Variants in CACNA2D3 observed in about 807,000 individuals in gnomAD.
CACNA2D3 encodes the protein calcium voltage-gated channel auxiliary subunit alpha2delta 3, also known as voltage-dependent calcium channel subunit alpha-2/delta-3.
A neutral mutation model predicts 160.6 loss-of-function variants in CACNA2D3; 60 were observed. That is an observed-to-expected ratio of 0.37 (90% confidence interval 0.30 to 0.46). CACNA2D3 has a LOEUF of 0.46. CACNA2D3 is among the 20% of genes least tolerant of loss of function. The pLI is 1.00. For synonymous variants in CACNA2D3, 558 were observed against 492.9 expected (o/e 1.13, Z -1.75); for missense variants, 1,205 against 1,365.0 (o/e 0.88, Z 1.85).
At chr3:54,261,996 C>T (rs368968627) in intron 2 of CACNA2D3, among the ~76,000 whole-genome samples, 3 of 152,244 alleles carry the variant, frequency 2.0e-5, no homozygotes, top group East Asian at 3.9e-4. Flanking sequence ...ACATGTGTCT[C>T]CTGGGGGCTG....
chr3:54,371,357 C>T (rs1698923100), intron 3 of CACNA2D3, among the ~76,000 whole-genome samples: 1 of 152,160 alleles, frequency 6.6e-6, no homozygotes, highest in Non-Finnish European at 1.5e-5. Flanking sequence ...TGATATTTTA[C>T]ATAAGTGGGT....
chr3:54,166,440 C>A (rs1700459467), intron 2 of CACNA2D3, among the ~76,000 whole-genome samples: 2 of 152,178 alleles, frequency 1.3e-5, no homozygotes. Flanking sequence ...CTGTCCAGAG[C>A]CCCTTGTTAA....
At chr3:54,336,560 A>G (rs1056970688) in intron 3 of CACNA2D3, among the ~76,000 whole-genome samples, 1 of 152,186 alleles carries the variant, frequency 6.6e-6, no homozygotes, top group Non-Finnish European at 1.5e-5. Flanking sequence ...TAATAGTTAC[A>G]TGAAATTTAC....
At chr3:54,694,175 A>G (rs1559551508) in intron 11 of CACNA2D3, among the ~76,000 whole-genome samples, 1 of 152,140 alleles carries the variant, frequency 6.6e-6, no homozygotes, top group African/African-American at 2.4e-5. Context: ...ACTTTCCGAT[A>G]TCTTTTCTAT....
rs202220418 is a variant in CACNA2D3 at position 54,661,930 on chromosome 3, CT to C, written c.1167+19690del. Among the ~76,000 whole-genome samples the C allele has an allele frequency of 8.7e-3, 1,310 of 151,388 alleles. 19 individuals are homozygous for C. Among genetic ancestry groups the C allele is most frequent in the African/African-American group, 0.03 (1,252 of 41,150 alleles). On this transcript the variant is annotated intron_variant, in intron 11 of 37. Coordinates refer to ENST00000474759, the MANE Select transcript of CACNA2D3 (RefSeq NM_018398.3). ...CCACATCTTCAGTGAAATATCCCCC[CT>C]GGATCACCACTTCTTTTCCTGCTAC...
At chr3:54,324,011 A>G (rs1174364675) in intron 3 of CACNA2D3, among the ~76,000 whole-genome samples, 1 of 152,136 alleles carries the variant, frequency 6.6e-6, no homozygotes, top group East Asian at 1.9e-4. Context: ...TAACATTTCC[A>G]TTGGTGTATA....
intron 2 of CACNA2D3, among the ~76,000 whole-genome samples, chr3:54,198,207 C>T (rs1445414927): frequency 6.6e-6 from 1 of 152,196 alleles, no homozygotes; most frequent in Non-Finnish European, 1.5e-5. Flanking sequence ...CCTAAAAGAG[C>T]CCCCATCCTC....
chr3:54,816,085 C>T (rs964115368), intron 13 of CACNA2D3, among the ~76,000 whole-genome samples: 4 of 152,188 alleles, frequency 2.6e-5, no homozygotes, highest in Non-Finnish European at 5.9e-5. Context: ...AGTTCCTCGC[C>T]TGTGCCATTG....
At chr3:54,751,010 T>A (rs1701846454) in intron 11 of CACNA2D3, among the ~76,000 whole-genome samples, 1 of 152,116 alleles carries the variant, frequency 6.6e-6, no homozygotes, top group Admixed American at 6.5e-5. Context: ...GACCTCGTGA[T>A]CTGCCCACCT....
At chr3:54,716,796 G>T (rs1701059204) in intron 11 of CACNA2D3, among the ~76,000 whole-genome samples, 2 of 151,950 alleles carry the variant, frequency 1.3e-5, no homozygotes, top group African/African-American at 4.8e-5. Context: ...GTGAATTTGG[G>T]GTCCCAAGAG....
chr3:54,159,058 C>G (rs192482331), intron 2 of CACNA2D3, among the ~76,000 whole-genome samples: 134 of 152,290 alleles, frequency 8.8e-4, no homozygotes, highest in Middle Eastern at 3.4e-3. Flanking sequence ...CTTTGCCTCC[C>G]CTCCAGTTTA....
At chr3:54,704,555 G>A (rs1700822407) in intron 11 of CACNA2D3, among the ~76,000 whole-genome samples, 1 of 151,878 alleles carries the variant, frequency 6.6e-6, no homozygotes, top group African/African-American at 2.4e-5. Flanking sequence ...AAAATTTGTT[G>A]AGCTAGTCAT....
At chr3:54,224,471 G>A (rs1701633258) in intron 2 of CACNA2D3, among the ~76,000 whole-genome samples, 2 of 152,092 alleles carry the variant, frequency 1.3e-5, no homozygotes, top group Admixed American at 6.6e-5. Flanking sequence ...GACCACAGAC[G>A]GGTGAGTAAC....
intron 4 of CACNA2D3, among the ~76,000 whole-genome samples, chr3:54,416,012 CA>C (rs201353440): frequency 2.6e-5 from 4 of 151,970 alleles, no homozygotes; most frequent in South Asian, 2.1e-4. Flanking sequence ...GCGTGAAACC[CA>C]AAAAAACCCC....
chr3:54,962,866 C>T (rs995883853), intron 27 of CACNA2D3, among the ~76,000 whole-genome samples: 1 of 152,092 alleles, frequency 6.6e-6, no homozygotes, highest in Non-Finnish European at 1.5e-5. Context: ...ATCTGTGCCC[C>T]TCTAGTATGT....
chr3:54,597,418 C>T, intron 9 of CACNA2D3, among the ~76,000 whole-genome samples: 1 of 152,134 alleles, frequency 6.6e-6, no homozygotes, highest in East Asian at 1.9e-4. Context: ...CTTGACCTCT[C>T]TCTCCCACCT....
chr3:54,965,366 C>G (rs1702125015), intron 27 of CACNA2D3, among the ~76,000 whole-genome samples: 1 of 152,136 alleles, frequency 6.6e-6, no homozygotes, highest in African/African-American at 2.4e-5. Context: ...TAAAAAGGTT[C>G]TCTCCCTTCC....
At chr3:54,956,238 G>A (rs1382615821) in intron 27 of CACNA2D3, among the ~76,000 whole-genome samples, 2 of 152,206 alleles carry the variant, frequency 1.3e-5, no homozygotes, top group South Asian at 2.1e-4. Flanking sequence ...GCCTTGCCAG[G>A]CTGCCTTGCT....
chr3:54,436,327 G>A (rs1700059129), intron 4 of CACNA2D3, among the ~76,000 whole-genome samples: 1 of 152,248 alleles, frequency 6.6e-6, no homozygotes, highest in African/African-American at 2.4e-5. Context: ...TACACTGTTG[G>A]TGGGAGTGTA....
Sources: allele counts gnomAD v4.1 joint callset (sites outside exome capture counted in the v4.1 genomes callset), GRCh38; gene constraint gnomAD v4.1.1; transcripts MANE v1.5; gene names NCBI Gene and HGNC (gene_info 2026-07-23, HGNC 2026-07-21).